The following PLPPR4 variants were observed in gnomAD, a reference collection of about 807,000 sequenced individuals.
PLPPR4 encodes the protein phospholipid phosphatase-related protein type 4.
PLPPR4 carries 24 observed loss-of-function variants against 56.6 expected under a neutral mutation model. The observed-to-expected ratio is 0.42, with a 90% CI of 0.31 to 0.60. PLPPR4 has a LOEUF of 0.60. Ranked by LOEUF, PLPPR4 falls within the 20% of genes least tolerant of loss-of-function variation. The pLI, the probability that PLPPR4 is intolerant of heterozygous loss-of-function variation, is 0.13. For synonymous variants in PLPPR4, 326 were observed against 328.1 expected, an observed-to-expected ratio of 0.99 and a Z score of 0.07; for missense variants, 654 against 885.8, an observed-to-expected ratio of 0.74 and a Z score of 3.32.
At chr1:99,288,889 A>G (rs1013928046) in intron 2 of PLPPR4, among the ~76,000 whole-genome samples, 2 of 152,146 alleles carry the variant, frequency 1.3e-5, no homozygotes, top group Non-Finnish European at 2.9e-5. Context: ...GAAAAGATGT[A>G]CATCTATCAT....
rs893691948 is a variant in PLPPR4, at chr1:99,307,355, T to C, written c.*345T>C. 4.2e-6 allele frequency: 1 copy of C among 240,032 alleles called. No homozygotes were observed. The highest frequency in any genetic ancestry group is 2.3e-5 in the African/African-American group (1 of 44,348). 14.9% of individuals were successfully genotyped at this position (240,032 alleles called of 1,614,324 possible). On this transcript the variant is annotated 3_prime_UTR_variant, in exon 7 of 7. Transcript: ENST00000370185. ...TGTGCCAACTTTGGGGATTTTTCTT[T>C]ATAGTGAGCTGTGGGAACCCAGAAC...
Position 99,290,985 on chromosome 1 carries a change from C to T in PLPPR4, c.264+2835C>T, listed in dbSNP as rs143976474. ...GAGAGCTTCTGAACATCAAAATAAA[C>T]TTCCAACAGAGTAAAAAGACAACCT... On this transcript the variant is annotated intron_variant, in intron 2 of 6. Transcript: ENST00000370185. 2.5e-3 allele frequency among the ~76,000 whole-genome samples: 377 copies of T among 152,004 alleles called. 2 individuals carry two copies. The highest frequency in any genetic ancestry group is 8.9e-3 in the African/African-American group (369 of 41,492).
In PLPPR4 at chr1:99,290,288, A is replaced by G. The variant is rs574242389; in HGVS notation, c.264+2138A>G. On this transcript the variant is annotated intron_variant, in intron 2 of 6. Transcript: ENST00000370185. ...CTACAAACTACTGCTCAAATAAATCAGAGATGACATAAACAAATGGAAAAA... is the reference window on the plus strand; with the variant it reads ...CTACAAACTACTGCTCAAATAAATCGGAGATGACATAAACAAATGGAAAAA... Among the ~76,000 whole-genome samples, 258 of 152,320 alleles carry G rather than the reference A, an allele frequency of 1.7e-3. 1 individual carries two copies. The highest frequency in any genetic ancestry group is 5.9e-3 in the African/African-American group (247 of 41,568).
intron 1 of PLPPR4, among the ~76,000 whole-genome samples, chr1:99,283,691 C>T (rs1253951643): frequency 6.6e-6 from 1 of 152,190 alleles, no homozygotes. Context: ...TGGCTCACGC[C>T]TGTAATCCCA....
rs775230280 is a variant in PLPPR4 at position 99,298,979 on chromosome 1, G to A, written c.395-56G>A. 4 of 1,166,344 alleles carry A rather than the reference G, an allele frequency of 3.4e-6. No homozygotes were observed. The South Asian group carries it at 4.9e-5, about 14-fold the overall frequency. 72.2% of individuals were successfully genotyped at this position (1,166,344 alleles called of 1,614,324 possible). A position where few individuals can be genotyped will look rare whatever the true frequency, so the allele number is the denominator to read the frequency against. On this transcript the variant is annotated intron_variant, in intron 3 of 6. Coordinates refer to ENST00000370185, the MANE Select transcript of PLPPR4 (RefSeq NM_014839.5). ...TAATTCACTAATGTTTAATGAATAT[G>A]TTTGATGCTGACACAACCACCAACT...
chr1:99,281,458 A>G (rs1049190356), intron 1 of PLPPR4, among the ~76,000 whole-genome samples: 1 of 152,204 alleles, frequency 6.6e-6, no homozygotes, highest in Non-Finnish European at 1.5e-5. Context: ...TTTATAATCT[A>G]TATTTTTGAA....
upstream of PLPPR4, chr1:99,264,397 A>T (rs1658835120): frequency 5.0e-6 from 7 of 1,402,556 alleles, no homozygotes; most frequent in East Asian, 1.8e-4. Flanking sequence ...TGGCCCGCTC[A>T]GGGAATAGCT....
chr1:99,284,559 G>A (rs1307482651), intron 1 of PLPPR4, among the ~76,000 whole-genome samples: 3 of 151,914 alleles, frequency 2.0e-5, no homozygotes, highest in Non-Finnish European at 4.4e-5. Context: ...GGGATTACAG[G>A]TGTGAGCCAC....
intron 3 of PLPPR4, among the ~76,000 whole-genome samples, chr1:99,298,653 C>G (rs1451280479): frequency 6.6e-6 from 1 of 152,116 alleles, no homozygotes; most frequent in Non-Finnish European, 1.5e-5. Flanking sequence ...GGAGAAATAA[C>G]CCTGGCAACT....
At chr1:99,268,260 A>C (rs1426264702) in intron 1 of PLPPR4, among the ~76,000 whole-genome samples, 1 of 152,220 alleles carries the variant, frequency 6.6e-6, no homozygotes, top group Non-Finnish European at 1.5e-5. Flanking sequence ...TTCCTCCTCC[A>C]CTGGGAGTGT....
chr1:99,277,463 A>G (rs2100789499), intron 1 of PLPPR4, among the ~76,000 whole-genome samples: 1 of 152,298 alleles, frequency 6.6e-6, no homozygotes. Context: ...GTCCTCTTCA[A>G]TTAGGGTATG....
In PLPPR4 at chr1:99,308,679, GGA is replaced by G. The variant is rs1235981982; in HGVS notation, c.*1671_*1672del. On this transcript the variant is annotated 3_prime_UTR_variant, in exon 7 of 7. Coordinates refer to ENST00000370185, the MANE Select transcript of PLPPR4 (RefSeq NM_014839.5). ...TTATCAATTTCCACATGAAAAAGGTGGAGCTTTCTAGAAAAACCAACCTCTAA... is the reference window on the plus strand; with the variant it reads ...TTATCAATTTCCACATGAAAAAGGTGGCTTTCTAGAAAAACCAACCTCTAA... 1 of 152,516 alleles carries G rather than the reference GGA, an allele frequency of 6.6e-6. No homozygotes were observed. Among genetic ancestry groups the G allele is most frequent in the Non-Finnish European group, 1.5e-5 (1 of 68,016 alleles). The allele number at this position is 152,516 out of a possible 1,614,324, so 9.4% of individuals were successfully genotyped here. A position where few individuals can be genotyped will look rare whatever the true frequency, so the allele number is the denominator to read the frequency against.
upstream of PLPPR4, chr1:99,264,342 C>T: frequency 1.0e-6 from 1 of 960,502 alleles, no homozygotes; most frequent in Non-Finnish European, 1.5e-6. Flanking sequence ...TCGTCTCTCG[C>T]CAGAAAAACG....
At chr1:99,305,078 G>C in intron 6 of PLPPR4, among the ~76,000 whole-genome samples, 1 of 152,120 alleles carries the variant, frequency 6.6e-6, no homozygotes, top group East Asian at 1.9e-4. Flanking sequence ...AATCAGGAAA[G>C]AATCTAGGTG....
chr1:99,280,966 T>A (rs1370512739), intron 1 of PLPPR4, among the ~76,000 whole-genome samples: 1 of 152,278 alleles, frequency 6.6e-6, no homozygotes, highest in East Asian at 1.9e-4. Flanking sequence ...AAATGCATGA[T>A]GAGGTGTGAA....
chr1:99,293,966 C>G (rs144157683), intron 2 of PLPPR4, among the ~76,000 whole-genome samples: 1 of 152,004 alleles, frequency 6.6e-6, no homozygotes, highest in Non-Finnish European at 1.5e-5. Context: ...GGGTTGGGTA[C>G]AGCACAAAAC....
At chr1:99,301,559 A>G (rs1361342368) in intron 5 of PLPPR4, among the ~76,000 whole-genome samples, 165 bp from the exon 6 acceptor site, 1 of 152,060 alleles carries the variant, frequency 6.6e-6, no homozygotes, top group Non-Finnish European at 1.5e-5. Flanking sequence ...GATAAATTTC[A>G]TCATGCATAT....
At chr1:99,267,585 T>A (rs569336906) in intron 1 of PLPPR4, among the ~76,000 whole-genome samples, 4 of 152,370 alleles carry the variant, frequency 2.6e-5, no homozygotes, top group East Asian at 3.9e-4. Flanking sequence ...GGTTAAAGGA[T>A]CATGACTGAG....
At chr1:99,287,521 G>A (rs547006782) in intron 1 of PLPPR4, among the ~76,000 whole-genome samples, 9 of 152,112 alleles carry the variant, frequency 5.9e-5, no homozygotes, top group Non-Finnish European at 7.4e-5. Context: ...GTGTAAAAGC[G>A]TTTCTAGCTC....
Sources: allele counts gnomAD v4.1 joint callset (sites outside exome capture counted in the v4.1 genomes callset), GRCh38; gene constraint gnomAD v4.1.1; transcripts MANE v1.5; gene names NCBI Gene and HGNC (gene_info 2026-07-23, HGNC 2026-07-21).